STN1: variants seen among roughly 807,000 people sequenced by gnomAD.
The protein encoded by STN1 is STN1 subunit of CST complex.
In STN1, 29 loss-of-function variants were observed where a neutral mutation model predicts 45.5. That is an observed-to-expected ratio of 0.64 (90% confidence interval 0.47 to 0.87). STN1 has a LOEUF of 0.87. STN1 is among the 40% of genes least tolerant of loss of function. STN1 has a pLI of 0.00. For missense variants in STN1, 376 were observed against 441.4 expected (o/e 0.85, Z 1.33); for synonymous variants, 148 against 159.0 (o/e 0.93, Z 0.52).
rs570128716 is a variant in STN1 at position 103,881,953 on chromosome 10, G to A, written c.*731C>T. Among the ~76,000 whole-genome samples, 8 of 152,298 alleles carry A rather than the reference G, an allele frequency of 5.3e-5. No individual in the cohort carries two copies. Among genetic ancestry groups the A allele is most frequent in the Admixed American group, 3.3e-4 (5 of 15,296 alleles). On this transcript the variant is annotated 3_prime_UTR_variant, in exon 10 of 10. Coordinates refer to ENST00000224950, the MANE Select transcript of STN1 (RefSeq NM_024928.5). ...GCCAGGCAATTGGCTGACTGCCTCC[G>A]TGATCTTCAGGGGCATCGAGGGACA...
In STN1 at chr10:103,917,392, C is replaced by T. The variant is rs990445611; in HGVS notation, c.133+70G>A. On this transcript the variant is annotated intron_variant, in intron 2 of 9. Coordinates refer to ENST00000224950, the MANE Select transcript of STN1 (RefSeq NM_024928.5). The stretch of plus-strand genomic sequence containing the variant: ...AGGCTCTCCTAAAAGCCTCTAATCC[C>T]AGCTTTCTGAGACTTTGGGAAAGGG... The T allele has an allele frequency of 7.9e-6, 12 of 1,511,584 alleles. No homozygotes were observed. The African/African-American group carries it at 1.5e-4, about 19-fold the overall frequency. The allele number at this position is 1,511,584 out of a possible 1,614,324, so 93.6% of individuals were successfully genotyped here.
intron 6 of STN1, 78 bp downstream of exon 6, chr10:103,898,799 C>G (rs1274740486): frequency 6.4e-6 from 10 of 1,563,386 alleles, no homozygotes; most frequent in Non-Finnish European, 7.9e-6. Context: ...TGAACCTAGG[C>G]CGATCCCAGC....
chr10:103,894,063 G>C (rs1242566709), intron 7 of STN1, among the ~76,000 whole-genome samples: 2 of 152,132 alleles, frequency 1.3e-5, no homozygotes, highest in African/African-American at 4.8e-5. Context: ...TTATTCACGA[G>C]GCTTAGGGCA....
At chr10:103,914,673 A>G (rs1843317740) in intron 2 of STN1, among the ~76,000 whole-genome samples, 1 of 151,942 alleles carries the variant, frequency 6.6e-6, no homozygotes. Flanking sequence ...TTAATGCAAA[A>G]AAAACCCAAA....
chr10:103,902,254 A>G (rs1177127822), intron 4 of STN1, among the ~76,000 whole-genome samples: 1 of 152,124 alleles, frequency 6.6e-6, no homozygotes, highest in South Asian at 2.1e-4. Context: ...TTCTTCAAAA[A>G]ATCCCCAACT....
In STN1 at chr10:103,879,020, G is replaced by C. The variant is rs971522069; in HGVS notation, c.*3664C>G. On this transcript the variant is annotated 3_prime_UTR_variant, in exon 10 of 10. Coordinates refer to ENST00000224950, the MANE Select transcript of STN1 (RefSeq NM_024928.5). ...ATGCTTACCTGAGGGCGAGGGAGCT[G>C]GGGCATTTACAGCCAAGGTGCTGTT... 1.3e-5 allele frequency: 2 copies of C among 152,352 alleles called. No individual in the cohort carries two copies. The highest frequency in any genetic ancestry group is 2.9e-5 in the Non-Finnish European group (2 of 68,166). 9.4% of individuals were successfully genotyped at this position (152,352 alleles called of 1,614,324 possible).
intron 7 of STN1, among the ~76,000 whole-genome samples, chr10:103,895,785 T>C (rs779658670): frequency 1.5e-4 from 23 of 152,188 alleles, no homozygotes; most frequent in Admixed American, 3.9e-4. Flanking sequence ...CTAGCAAGGG[T>C]GTTCACAGCA....
At chr10:103,896,353 G>A (rs1239795890) in intron 7 of STN1, among the ~76,000 whole-genome samples, 1 of 152,146 alleles carries the variant, frequency 6.6e-6, no homozygotes, top group Non-Finnish European at 1.5e-5. Flanking sequence ...AAAACAGGGT[G>A]TAAGGGTGAG....
rs1480575880 is a variant in STN1, at chr10:103,910,686, T to C, written c.134-64A>G. 4.4e-6 allele frequency: 4 copies of C among 902,180 alleles called. No homozygotes were observed. In the East Asian group the frequency reaches 7.5e-5, roughly 17 times the overall value. 55.9% of individuals were successfully genotyped at this position (902,180 alleles called of 1,614,324 possible). ...TTACATTTTCTGCTTCAATAAATCTTAACTTGTAGGGGGGAAGGGAGTGTA... is the reference window on the plus strand; with the variant it reads ...TTACATTTTCTGCTTCAATAAATCTCAACTTGTAGGGGGGAAGGGAGTGTA... On this transcript the variant is annotated intron_variant, in intron 2 of 9. Coordinates refer to ENST00000224950, the MANE Select transcript of STN1 (RefSeq NM_024928.5).
chr10:103,910,451 G>T, intron 3 of STN1, 76 bp downstream of exon 3: 1 of 934,836 alleles, frequency 1.1e-6, no homozygotes, highest in Non-Finnish European at 1.7e-6. Context: ...AATGGCTGGG[G>T]CTGCTGAAAT....
Position 103,900,136 on chromosome 10 carries a change from A to G in STN1, c.383T>C (p.Ile128Thr). ...ETIEQKTKIEIGDTIRVRGSI... is the reference protein window; with the variant it reads ...ETIEQKTKIETGDTIRVRGSI... The stretch of plus-strand genomic sequence containing the variant: ...GCCTCTGACTCGGATCGTGTCCCCG[A>G]TCTCTATCTTTGTTTTCTGCTCAAT... Residue 128 changes from isoleucine to threonine, a missense_variant, in exon 5 of 10, where the codon ATC (isoleucine) becomes ACC (threonine). By Grantham distance (89) the Ile-to-Thr change is moderately conservative. Transcript: ENST00000224950. The G allele has an allele frequency of 6.2e-7, 1 of 1,614,056 alleles. No homozygotes were observed. The highest frequency in any genetic ancestry group is 8.5e-7 in the Non-Finnish European group (1 of 1,180,008).
intron 5 of STN1, 172 bp downstream of exon 5, chr10:103,899,890 A>C (rs1035274840): frequency 3.6e-6 from 2 of 558,790 alleles, no homozygotes; most frequent in African/African-American, 3.8e-5. Flanking sequence ...TCAAAATAAA[A>C]GTAAGAAATG....
In STN1 at chr10:103,888,760, T is replaced by A. The variant is rs192110347; in HGVS notation, c.949+312A>T. 5.3e-4 allele frequency among the ~76,000 whole-genome samples: 80 copies of A among 152,242 alleles called. 2 individuals carry two copies. In the East Asian group the frequency reaches 0.015, roughly 28 times the overall value. ...GTCCTAGTGTGGTGACCTCACTGTA[T>A]CAGAATTCCTTGTCTAGCCCCCACC... On this transcript the variant is annotated intron_variant, in intron 9 of 9. Coordinates refer to ENST00000224950, the MANE Select transcript of STN1 (RefSeq NM_024928.5).
chr10:103,888,941 C>A, intron 9 of STN1, 131 bp downstream of exon 9: 1 of 659,210 alleles, frequency 1.5e-6, no homozygotes, highest in Non-Finnish European at 2.8e-6. Context: ...AGGGCAGGTA[C>A]TTTGACTATC....
chr10:103,901,114 C>T (rs933799065), intron 4 of STN1, among the ~76,000 whole-genome samples: 5 of 152,196 alleles, frequency 3.3e-5, no homozygotes, highest in Non-Finnish European at 7.3e-5. Context: ...CCCACTTATC[C>T]TTTATTCTCT....
At chr10:103,899,101 G>T in intron 5 of STN1, 101 bp from the exon 6 acceptor site, 1 of 1,312,144 alleles carries the variant, frequency 7.6e-7, no homozygotes, top group Non-Finnish European at 1.1e-6. Context: ...AGTAAATGAG[G>T]TGCTGGGTGG....
chr10:103,915,929 G>A (rs1170895004), intron 2 of STN1, among the ~76,000 whole-genome samples: 1 of 151,904 alleles, frequency 6.6e-6, no homozygotes, highest in Non-Finnish European at 1.5e-5. Context: ...TAAGGTTTGC[G>A]CTCCTAAAAG....
At chr10:103,882,868 T>C in intron 9 of STN1, 27 bp from the exon 10 acceptor site, 1 of 1,597,986 alleles carries the variant, frequency 6.3e-7, no homozygotes, top group South Asian at 1.1e-5. Flanking sequence ...GGTGGCTGAG[T>C]GTGGACACAA....
At chr10:103,905,257 A>C in intron 3 of STN1, 101 bp from the exon 4 acceptor site, 1 of 1,024,988 alleles carries the variant, frequency 9.8e-7, no homozygotes, top group Non-Finnish European at 1.5e-6. Context: ...GACCTCTTTC[A>C]ATAGCCTGGA....
Sources: allele counts gnomAD v4.1 joint callset (sites outside exome capture counted in the v4.1 genomes callset), GRCh38; gene constraint gnomAD v4.1.1; transcripts MANE v1.5; gene names NCBI Gene and HGNC (gene_info 2026-07-23, HGNC 2026-07-21).